The following WWC2 variants were observed in gnomAD, a reference collection of about 807,000 sequenced individuals.
The protein encoded by WWC2 is protein WWC2.
In WWC2, 101 loss-of-function variants were observed where a neutral mutation model predicts 138.5. The observed-to-expected ratio is 0.73, with a 90% CI of 0.62 to 0.86. The LOEUF is 0.86. Among genes scored for constraint, WWC2 ranks in the 40% least tolerant of loss-of-function variants. The probability of loss-of-function intolerance (pLI) is 0.00; values close to 1 mark genes in which losing one functional copy is unlikely to be tolerated. For missense variants in WWC2, 1,420 were observed against 1,419.4 expected, an observed-to-expected ratio of 1.00 and a Z score of -0.01; for synonymous variants, 558 against 538.4, an observed-to-expected ratio of 1.04 and a Z score of -0.50.
chr4:183,244,302 T>A (rs1736707762), intron 5 of WWC2, among the ~76,000 whole-genome samples: 1 of 152,108 alleles, frequency 6.6e-6, no homozygotes, highest in Admixed American at 6.6e-5. Flanking sequence ...ACTATTTTTT[T>A]AAAAGAATTA....
chr4:183,315,545 C>T, intron 22 of WWC2, 118 bp from the exon 23 acceptor site: 2 of 676,524 alleles, frequency 3.0e-6, no homozygotes, highest in Non-Finnish European at 2.5e-6. Flanking sequence ...AGGAAAAGAG[C>T]TTCTACCTGT....
intron 21 of WWC2, among the ~76,000 whole-genome samples, chr4:183,304,071 T>C (rs1028272429): frequency 1.3e-4 from 20 of 152,040 alleles, no homozygotes; most frequent in African/African-American, 4.3e-4. Flanking sequence ...GTCCAACATA[T>C]AAGGAGTTTG....
At chr4:183,217,495 A>G (rs1477490112) in intron 4 of WWC2, among the ~76,000 whole-genome samples, 3 of 152,210 alleles carry the variant, frequency 2.0e-5, no homozygotes, top group Non-Finnish European at 2.9e-5. Flanking sequence ...AATGACAGGT[A>G]CAATTTAATT....
intron 4 of WWC2, among the ~76,000 whole-genome samples, chr4:183,212,563 A>G (rs1300605652): frequency 6.6e-6 from 1 of 152,232 alleles, no homozygotes; most frequent in East Asian, 1.9e-4. Flanking sequence ...GCAAGTTATT[A>G]TTACTTCCCT....
At position 183,286,058 on chromosome 4, in the gene WWC2, G is replaced by T; in HGVS notation, c.3140G>T (p.Arg1047Met). The change falls in exon 20 of 23, where the codon AGG (arginine) becomes ATG (methionine). Residue 1047 changes from arginine to methionine, a missense_variant and splice_region_variant. Physicochemically the swap from Arg to Met is moderately conservative, Grantham distance 91. Transcript: ENST00000403733. ...GAACGCCGCAGTTTGAGGGTCAAAA[G>T]GGTATGTATTCCCTCAGCCACGTCC... Reference protein sequence around the residue: ...STERRSLRVKRTVCQSVLRRT... With the variant: ...STERRSLRVKMTVCQSVLRRT... The T allele has an allele frequency of 6.4e-7, 1 of 1,570,656 alleles. No homozygotes were observed. Among genetic ancestry groups the T allele is most frequent in the African/African-American group, 1.3e-5 (1 of 74,352 alleles).
chr4:183,194,758 C>T (rs1275149939), intron 2 of WWC2, among the ~76,000 whole-genome samples: 3 of 152,140 alleles, frequency 2.0e-5, no homozygotes, highest in Admixed American at 6.5e-5. Context: ...CAGAAAGGAG[C>T]GTAAGCACTC....
chr4:183,295,562 C>T (rs2111088553), intron 21 of WWC2, among the ~76,000 whole-genome samples: 1 of 152,296 alleles, frequency 6.6e-6, no homozygotes, highest in African/African-American at 2.4e-5. Flanking sequence ...GACCAAGTTT[C>T]AGGAATATCA....
intron 1 of WWC2, among the ~76,000 whole-genome samples, chr4:183,131,158 C>T (rs1305082705): frequency 1.3e-5 from 2 of 152,102 alleles, no homozygotes; most frequent in African/African-American, 4.8e-5. Flanking sequence ...TATTGGCCAT[C>T]TATATGCAGA....
chr4:183,221,138 C>T (rs1293241908), intron 4 of WWC2, among the ~76,000 whole-genome samples: 7 of 152,008 alleles, frequency 4.6e-5, no homozygotes, highest in African/African-American at 7.2e-5. Flanking sequence ...AATACAAATC[C>T]GAAGAATGTT....
intron 1 of WWC2, among the ~76,000 whole-genome samples, chr4:183,184,373 T>TAA (rs1734733112): frequency 1.3e-5 from 2 of 152,242 alleles, no homozygotes; most frequent in Admixed American, 1.3e-4. Context: ...TTTTATCCAT[T>TAA]CACCTGTCTA....
At chr4:183,280,229 G>GTTTTTTTTTTTTTTTTTTTTTTTTTTT (rs869235261) in intron 16 of WWC2, among the ~76,000 whole-genome samples, 5 of 65,452 alleles carry the variant, frequency 7.6e-5, no homozygotes, top group Admixed American at 2.4e-4. Flanking sequence ...GATAGCAGCT[G>GTTTTTTTTTTTTTTTTTTTTTTTTTTT]TTTTTTTTTT....
chr4:183,237,932 A>T (rs537098409), intron 4 of WWC2, among the ~76,000 whole-genome samples: 1 of 152,070 alleles, frequency 6.6e-6, no homozygotes, highest in African/African-American at 2.4e-5. Flanking sequence ...TCTAGTAGAC[A>T]TGTGAATAAT....
At chr4:183,312,955 C>G (rs1739311307) in intron 22 of WWC2, among the ~76,000 whole-genome samples, 1 of 152,088 alleles carries the variant, frequency 6.6e-6, no homozygotes, top group Non-Finnish European at 1.5e-5. Flanking sequence ...AAGGAGCTAA[C>G]TAAAGGGATA....
At chr4:183,196,688 C>G (rs1735152745) in intron 2 of WWC2, among the ~76,000 whole-genome samples, 2 of 152,168 alleles carry the variant, frequency 1.3e-5, no homozygotes, top group Non-Finnish European at 2.9e-5. Context: ...CCTGTGCCTC[C>G]TCAGCTGGCT....
Position 183,099,333 on chromosome 4 carries a change from C to T in WWC2, c.-159C>T, listed in dbSNP as rs1469783533. On this transcript the variant is annotated 5_prime_UTR_variant, in exon 1 of 23. Coordinates refer to ENST00000403733, the MANE Select transcript of WWC2 (RefSeq NM_024949.6). Reference sequence around the variant, plus strand: ...GCCGCGAACAGCGTTTCCTGAGGCACCTCCCGCGCGTGGTTCCGCCGCGCC... The same window carrying T: ...GCCGCGAACAGCGTTTCCTGAGGCATCTCCCGCGCGTGGTTCCGCCGCGCC... 8 of 647,178 alleles carry T rather than the reference C, an allele frequency of 1.2e-5. No individual in the cohort carries two copies. The highest frequency in any genetic ancestry group is 5.7e-4 in the Middle Eastern group (1 of 1,742). The allele number at this position is 647,178 out of a possible 1,614,324, so 40.1% of individuals were successfully genotyped here.
Position 183,291,180 on chromosome 4 carries a change from A to C in WWC2, c.3384+1545A>C, listed in dbSNP as rs370504513. 4.5e-3 allele frequency among the ~76,000 whole-genome samples: 683 copies of C among 152,324 alleles called. 4 individuals are homozygous for C. The highest frequency in any genetic ancestry group is 0.016 in the African/African-American group (654 of 41,572). ...CCAGACACTCCAGGTCTACGAGAGC[A>C]GTGCTTCCTGGGGAAGTCATGAGAG... On this transcript the variant is annotated intron_variant, in intron 21 of 22. Transcript: ENST00000403733.
chr4:183,256,513 C>T (rs576206661), intron 9 of WWC2, among the ~76,000 whole-genome samples: 1 of 152,108 alleles, frequency 6.6e-6, no homozygotes, highest in East Asian at 1.9e-4. Flanking sequence ...CTGCTCTGCT[C>T]ATTGCTGCTG....
chr4:183,227,888 A>G (rs1348938213), intron 4 of WWC2, among the ~76,000 whole-genome samples: 1 of 152,046 alleles, frequency 6.6e-6, no homozygotes, highest in Non-Finnish European at 1.5e-5. Context: ...ATTACTACAG[A>G]AAGCAGGAGA....
At chr4:183,231,030 A>G (rs887751870) in intron 4 of WWC2, among the ~76,000 whole-genome samples, 3 of 152,180 alleles carry the variant, frequency 2.0e-5, no homozygotes, top group Admixed American at 2.0e-4. Context: ...CAACTTTGAC[A>G]TCAAATTGTG....
Sources: gnomAD v4.1 joint callset for allele counts (sites outside exome capture counted in the v4.1 genomes callset) on GRCh38, gnomAD v4.1.1 for gene constraint, MANE v1.5 for transcripts, NCBI Gene and HGNC (gene_info 2026-07-23, HGNC 2026-07-21) for gene names.